The following BIN1 variants were observed in gnomAD, a reference collection of about 807,000 sequenced individuals.
BIN1 encodes myc box-dependent-interacting protein 1.
Under a neutral mutation model 82.0 loss-of-function variants are expected in BIN1, and 53 were observed. The ratio of observed to expected loss-of-function variants is 0.65; its 90% CI spans 0.52 to 0.81. The LOEUF (loss-of-function observed/expected upper bound fraction) is 0.81, where lower values mean the gene tolerates loss of function less well. BIN1 is among the 40% of genes least tolerant of loss of function. BIN1 has a pLI of 0.00. For missense variants in BIN1, 642 were observed against 784.4 expected (o/e 0.82, Z 2.17); for synonymous variants, 302 against 328.0 (o/e 0.92, Z 0.86).
intron 11 of BIN1, among the ~76,000 whole-genome samples, chr2:127,058,006 C>A (rs1278604189): frequency 6.6e-6 from 1 of 152,178 alleles, no homozygotes; most frequent in Non-Finnish European, 1.5e-5. Flanking sequence ...GGGCCCCAGC[C>A]TCCCCCTGCC....
In BIN1 at chr2:127,081,056, G is replaced by A. The variant is rs1037109226; in HGVS notation, c.85-4350C>T. The stretch of plus-strand genomic sequence containing the variant: ...CAGTGAGAGGGCAGAAGGCCCTGGC[G>A]TCAGCCGCTCCCTGTGGGTACAGGG... On this transcript the variant is annotated intron_variant, in intron 1 of 18. Transcript: ENST00000316724. 7.2e-5 allele frequency among the ~76,000 whole-genome samples: 11 copies of A among 152,210 alleles called. 1 individual carries two copies. The highest frequency in any genetic ancestry group is 4.6e-4 in the Admixed American group (7 of 15,284).
At position 127,063,608 on chromosome 2, in the gene BIN1, G is replaced by T; in HGVS notation, c.737C>A (p.Ala246Glu). ...GFYVNTFQSI[A>E]GLEENFHKEM... ...CTTGTGGAAGTTTTCCTCCAGGCCC[G>T]CGATGCTCTGGAACGTGTTGACGTA... is the stretch of plus-strand genomic sequence containing the variant. Residue 246 changes from alanine to glutamate, a missense_variant, in exon 9 of 19, where the codon GCG (alanine) becomes GAG (glutamate). Ala to Glu is a moderately radical substitution (Grantham distance 107). Transcript: ENST00000316724. The T allele has an allele frequency of 2.5e-6, 4 of 1,613,922 alleles. No individual in the cohort carries two copies. Among genetic ancestry groups the T allele is most frequent in the Non-Finnish European group, 3.4e-6 (4 of 1,179,964 alleles).
Position 127,048,250 on chromosome 2 carries a change from C to T in BIN1, c.*276G>A. 1 of 456,426 alleles carries T rather than the reference C, an allele frequency of 2.2e-6. No homozygotes were observed. The highest frequency in any genetic ancestry group is 2.0e-5 in the African/African-American group (1 of 50,404). The allele number at this position is 456,426 out of a possible 1,614,324, so 28.3% of individuals were successfully genotyped here. ...GGCAGCCCCCAGCCCCGCCCTGCGG[C>T]CAGGCACACATGCGGGCACAGGCAG... On this transcript the variant is annotated 3_prime_UTR_variant, in exon 19 of 19. Coordinates refer to ENST00000316724, the MANE Select transcript of BIN1 (RefSeq NM_139343.3).
Position 127,096,034 on chromosome 2 carries a change from G to A in BIN1, c.84+10826C>T, listed in dbSNP as rs927539221. ...GCCCACCTGGAGCCTGTGGTCTTCC[G>A]CTACATAGCAGGTTCCTCCAGTGAG... On this transcript the variant is annotated intron_variant, in intron 1 of 18. Transcript: ENST00000316724. Among the ~76,000 whole-genome samples, 9 of 152,114 alleles carry A rather than the reference G, an allele frequency of 5.9e-5. No homozygotes were observed. In the East Asian group the frequency reaches 7.7e-4, roughly 13 times the overall value.
intron 1 of BIN1, among the ~76,000 whole-genome samples, chr2:127,104,949 C>T (rs1025689273): frequency 1.1e-4 from 17 of 152,198 alleles, no homozygotes; most frequent in Non-Finnish European, 2.5e-4. Flanking sequence ...GAACACTAAA[C>T]AACTCCAGTC....
chr2:127,096,967 CA>C (rs932069846), intron 1 of BIN1, among the ~76,000 whole-genome samples: 5 of 152,214 alleles, frequency 3.3e-5, no homozygotes, highest in Admixed American at 6.5e-5. Context: ...AAAGCTTCTC[CA>C]GCCACAGGCC....
At chr2:127,102,858 G>C (rs1398119564) in intron 1 of BIN1, among the ~76,000 whole-genome samples, 1 of 152,256 alleles carries the variant, frequency 6.6e-6, no homozygotes, top group Non-Finnish European at 1.5e-5. Flanking sequence ...AGAGATACAG[G>C]AAGAGCCTGA....
In BIN1 at chr2:127,057,400, A is replaced by C; in HGVS notation, c.1131+73T>G. 1 of 1,458,544 alleles carries C rather than the reference A, an allele frequency of 6.9e-7. No individual in the cohort carries two copies. The highest frequency in any genetic ancestry group is 9.1e-7 in the Non-Finnish European group (1 of 1,100,436). The allele number at this position is 1,458,544 out of a possible 1,614,324, so 90.4% of individuals were successfully genotyped here. On this transcript the variant is annotated intron_variant, in intron 12 of 18. Coordinates refer to ENST00000316724, the MANE Select transcript of BIN1 (RefSeq NM_139343.3). The surrounding 1 kb of genome is among the most constrained non-coding windows in gnomAD (Gnocchi z 5.0). ...TTCCTGGCTCTTGAGACAGAAGCAT[A>C]GAGGATGAAGGCCATGCACGCCCTG... is the stretch of plus-strand genomic sequence containing the variant.
chr2:127,091,392 G>T (rs181257878), intron 1 of BIN1, among the ~76,000 whole-genome samples: 8 of 152,330 alleles, frequency 5.3e-5, no homozygotes, highest in Non-Finnish European at 1.0e-4. Flanking sequence ...CAGCCACAGG[G>T]GCTCCCCATC....
intron 1 of BIN1, among the ~76,000 whole-genome samples, chr2:127,100,925 T>A (rs1558888581): frequency 6.7e-6 from 1 of 149,194 alleles, no homozygotes; most frequent in Non-Finnish European, 1.5e-5. Context: ...GCGGCAGAGA[T>A]CATGACCCCT....
chr2:127,092,777 G>A lies in BIN1; in HGVS notation c.84+14083C>T, dbSNP rs117287862. 4.6e-5 allele frequency among the ~76,000 whole-genome samples: 7 copies of A among 152,314 alleles called. No homozygotes were observed. The East Asian group carries it at 1.2e-3, about 25-fold the overall frequency. ...GCTCCCGGGGAAGGGCCAACACAGTGCAGTGCACTTGGGAAGGGGAGGCAG... is the reference window on the plus strand; with the variant it reads ...GCTCCCGGGGAAGGGCCAACACAGTACAGTGCACTTGGGAAGGGGAGGCAG... On this transcript the variant is annotated intron_variant, in intron 1 of 18. Coordinates refer to ENST00000316724, the MANE Select transcript of BIN1 (RefSeq NM_139343.3).
At chr2:127,058,600 C>T (rs1452567726) in intron 11 of BIN1, among the ~76,000 whole-genome samples, 2 of 152,156 alleles carry the variant, frequency 1.3e-5, no homozygotes, top group African/African-American at 4.8e-5. Context: ...CTGGCTTGGG[C>T]TCCTCCCTCA....
chr2:127,077,899 G>C (rs183900859), intron 1 of BIN1, among the ~76,000 whole-genome samples: 1 of 152,096 alleles, frequency 6.6e-6, no homozygotes, highest in Non-Finnish European at 1.5e-5. Context: ...AGAAGGAAAC[G>C]GGGGTAGGGG....
At chr2:127,066,644 A>T (rs1270904572) in intron 7 of BIN1, among the ~76,000 whole-genome samples, 1 of 152,120 alleles carries the variant, frequency 6.6e-6, no homozygotes, top group African/African-American at 2.4e-5. Context: ...AGGCCTACTG[A>T]AGTCCCCCTA....
At chr2:127,052,210 A>G in intron 15 of BIN1, 45 bp downstream of exon 15, 1 of 1,530,446 alleles carries the variant, frequency 6.5e-7, no homozygotes, top group Non-Finnish European at 8.9e-7. Flanking sequence ...CTGCACCCCT[A>G]GAGACTGGGG....
At chr2:127,092,413 T>G (rs989173696) in intron 1 of BIN1, among the ~76,000 whole-genome samples, 24 of 152,156 alleles carry the variant, frequency 1.6e-4, no homozygotes, top group African/African-American at 5.3e-4. Flanking sequence ...TCCCTGGGCA[T>G]AATCCAGGTC....
rs3754617 is a variant in BIN1 at position 127,057,259 on chromosome 2, T to C, written c.1131+214A>G. On this transcript the variant is annotated intron_variant, in intron 12 of 18. Transcript: ENST00000316724. The surrounding 1 kb of genome is among the most constrained non-coding windows in gnomAD (Gnocchi z 5.0). ...GGGAGAGGCGGCACCTTCCCCTCTG[T>C]GGCCCTGCATCTGGCCTTAGTACAT... Among the ~76,000 whole-genome samples the C allele has an allele frequency of 0.16, 24,816 of 152,244 alleles. 2,396 individuals carry two copies. Among genetic ancestry groups the C allele is most frequent in the East Asian group, 0.25 (1,267 of 5,170 alleles).
chr2:127,099,350 A>ATGTGTGTG (rs3033389), intron 1 of BIN1, among the ~76,000 whole-genome samples: 18 of 149,516 alleles, frequency 1.2e-4, no homozygotes, highest in East Asian at 5.9e-4. Context: ...CCCAGGGTGC[A>ATGTGTGTG]TGTGTGTGTG....
At chr2:127,071,401 G>A (rs954609087) in intron 2 of BIN1, among the ~76,000 whole-genome samples, 2 of 152,192 alleles carry the variant, frequency 1.3e-5, no homozygotes, top group African/African-American at 4.8e-5. Context: ...GGTGGTCATG[G>A]CCAGGATCAC....
Sources: gnomAD v4.1 joint callset for allele counts (sites outside exome capture counted in the v4.1 genomes callset) on GRCh38, gnomAD v4.1.1 for gene constraint, Gnocchi (gnomAD v3.1) non-coding constraint, MANE v1.5 for transcripts, NCBI Gene and HGNC (gene_info 2026-07-23, HGNC 2026-07-21) for gene names.